RBM25: variants seen among roughly 807,000 people sequenced by gnomAD.
RBM25 encodes RNA binding motif protein 25.
In RBM25, 19 loss-of-function variants were observed where a neutral mutation model predicts 120.7. The observed-to-expected ratio is 0.16, with a 90% CI of 0.11 to 0.23. The LOEUF (loss-of-function observed/expected upper bound fraction) is 0.23, where lower values mean the gene tolerates loss of function less well. Among genes scored for constraint, RBM25 ranks in the 10% least tolerant of loss-of-function variants. The probability of loss-of-function intolerance (pLI) is 1.00; values close to 1 mark genes in which losing one functional copy is unlikely to be tolerated. For synonymous variants in RBM25, 390 were observed against 326.7 expected, an observed-to-expected ratio of 1.19 and a Z score of -2.09; for missense variants, 605 against 1,041.5, an observed-to-expected ratio of 0.58 and a Z score of 5.77.
rs1895887340 is a variant in RBM25 at position 73,094,318 on chromosome 14, G to T, written c.544-2597G>T. Among the ~76,000 whole-genome samples the T allele has an allele frequency of 2.0e-5, 3 of 151,650 alleles. No individual in the cohort carries two copies. In the South Asian group the frequency reaches 6.2e-4, roughly 32 times the overall value. On this transcript the variant is annotated intron_variant, in intron 6 of 18. Coordinates refer to ENST00000261973, the MANE Select transcript of RBM25 (RefSeq NM_021239.3). ...ATTAGCAATCAGTTAAGATTTTTGG[G>T]TTAATAAACTTTTCTTCTAAAAATG...
At chr14:73,090,693 C>T (rs1378147328) in intron 6 of RBM25, among the ~76,000 whole-genome samples, 1 of 152,182 alleles carries the variant, frequency 6.6e-6, no homozygotes, top group African/African-American at 2.4e-5. Context: ...TAACCCATCT[C>T]ATTCCCATAT....
Position 73,111,818 on chromosome 14 carries a change from TATTTC to T in RBM25, c.2292+19_2292+23del. 6.4e-7 allele frequency: 1 copy of T among 1,557,978 alleles called. No individual in the cohort carries two copies. The highest frequency in any genetic ancestry group is 8.6e-7 in the Non-Finnish European group (1 of 1,157,366). On this transcript the variant is annotated intron_variant, in intron 16 of 18. Transcript: ENST00000261973. ...TGTGGATTCTGTGAGTAGGAAATTA[TATTTC>T]ATCATATTATTGGGAACAGTTGGAA...
intron 6 of RBM25, among the ~76,000 whole-genome samples, chr14:73,096,253 A>G (rs1280157207): frequency 6.6e-6 from 1 of 152,186 alleles, no homozygotes; most frequent in Non-Finnish European, 1.5e-5. Context: ...CTGGGATTAC[A>G]GGAGTGAGCC....
rs1015796307 is a variant in RBM25, at chr14:73,105,911, A to C, written c.1207A>C (p.Arg403=). Residue 403 remains arginine (R), a synonymous_variant, in exon 11 of 19, where the codon AGA becomes CGA. Coordinates refer to ENST00000261973, the MANE Select transcript of RBM25 (RefSeq NM_021239.3). ...RERERERERE[R]ERERERERER... Reference sequence around the variant, plus strand: ...ACGAGAGCGGGAAAGAGAGAGAGAGAGAGAACGAGAGCGAGAACGAGAACG... The same window carrying C: ...ACGAGAGCGGGAAAGAGAGAGAGAGCGAGAACGAGAGCGAGAACGAGAACG... 1.9e-6 allele frequency: 3 copies of C among 1,612,916 alleles called. No homozygotes were observed. The African/African-American group carries it at 4.0e-5, about 22-fold the overall frequency.
chr14:73,111,489 A>G, intron 15 of RBM25, 39 bp from the exon 16 acceptor site: 1 of 1,535,670 alleles, frequency 6.5e-7, no homozygotes. Flanking sequence ...AAACATTTGG[A>G]AATTAAGTCA....
intron 1 of RBM25, among the ~76,000 whole-genome samples, chr14:73,061,813 G>C (rs1248917744): frequency 2.0e-5 from 3 of 151,406 alleles, no homozygotes; most frequent in Admixed American, 2.0e-4. Flanking sequence ...GGATCCACCT[G>C]CCTCGTCCTC....
chr14:73,086,733 C>T (rs1895694411), intron 5 of RBM25, among the ~76,000 whole-genome samples: 1 of 152,078 alleles, frequency 6.6e-6, no homozygotes, highest in Admixed American at 6.6e-5. Flanking sequence ...GAGACAGGGT[C>T]TCTGTCTGTT....
At chr14:73,108,017 C>T (rs536896494) in intron 13 of RBM25, 118 bp downstream of exon 13, 7 of 708,424 alleles carry the variant, frequency 9.9e-6, no homozygotes, top group Non-Finnish European at 1.7e-5. Context: ...CTTTCACATT[C>T]TGAGTAATTA....
chr14:73,117,205 CTTTTCTTTTT>C (rs1896449724), intron 18 of RBM25, among the ~76,000 whole-genome samples: 4 of 36,562 alleles, frequency 1.1e-4, no homozygotes, highest in African/African-American at 2.0e-4. Context: ...TTTCTTTCTT[CTTTTCTTTTT>C]TTTTTTTTTT....
intron 6 of RBM25, among the ~76,000 whole-genome samples, chr14:73,093,960 T>C (rs2140446544): frequency 6.8e-6 from 1 of 147,412 alleles, no homozygotes. Flanking sequence ...TTTTTTTTTT[T>C]TTTTTTCTTG....
At chr14:73,105,619 G>A (rs1008726394) in intron 10 of RBM25, among the ~76,000 whole-genome samples, 10 of 152,060 alleles carry the variant, frequency 6.6e-5, no homozygotes, top group Admixed American at 3.3e-4. Flanking sequence ...TATTCAGATT[G>A]TATTTGTTTT....
chr14:73,117,593 A>T (rs1896462383), intron 18 of RBM25, among the ~76,000 whole-genome samples: 1 of 152,092 alleles, frequency 6.6e-6, no homozygotes, highest in Non-Finnish European at 1.5e-5. Flanking sequence ...ACTTAACTAC[A>T]TACCAACTCT....
In RBM25 at chr14:73,120,639, A is replaced by G. The variant is rs971675326; in HGVS notation, c.*834A>G. The G allele has an allele frequency of 5.9e-5, 9 of 152,184 alleles. No homozygotes were observed. The highest frequency in any genetic ancestry group is 2.2e-4 in the African/African-American group (9 of 41,440). 9.4% of individuals were successfully genotyped at this position (152,184 alleles called of 1,614,324 possible). A position where few individuals can be genotyped will look rare whatever the true frequency, so the allele number is the denominator to read the frequency against. ...ATTGCTCAGAAATGAGGCATATCCTAAAAATCCTGGAGAGCTGTATTTAAT... is the reference window on the plus strand; with the variant it reads ...ATTGCTCAGAAATGAGGCATATCCTGAAAATCCTGGAGAGCTGTATTTAAT... On this transcript the variant is annotated 3_prime_UTR_variant, in exon 19 of 19. Coordinates refer to ENST00000261973, the MANE Select transcript of RBM25 (RefSeq NM_021239.3).
At chr14:73,064,717 T>G (rs548731693) in intron 1 of RBM25, among the ~76,000 whole-genome samples, 3 of 151,272 alleles carry the variant, frequency 2.0e-5, no homozygotes, top group Admixed American at 6.6e-5. Context: ...TAAAGGAATA[T>G]CCATAAAAAT....
Position 73,071,704 on chromosome 14 carries a change from C to T in RBM25, c.63C>T (p.Ile21=). The T allele has an allele frequency of 6.2e-7, 1 of 1,614,082 alleles. No homozygotes were observed. The highest frequency in any genetic ancestry group is 8.5e-7 in the Non-Finnish European group (1 of 1,179,960). Residue 21 remains isoleucine, a synonymous_variant, in exon 2 of 19, where the codon ATC becomes ATT. Transcript: ENST00000261973. ...PMGIPALPPG[I]PPPQFPGFPP... is the part of the protein sequence containing the mutation. ...GAATCCCAGCACTCCCACCAGGGAT[C>T]CCACCCCCGCAGTTTCCAGGATTTC...
At chr14:73,073,016 T>C (rs145589310) in intron 2 of RBM25, among the ~76,000 whole-genome samples, 2 of 152,268 alleles carry the variant, frequency 1.3e-5, no homozygotes, top group African/African-American at 4.8e-5. Flanking sequence ...AGCCTTGACC[T>C]CCTGGACTCC....
In RBM25 at chr14:73,122,255, G is replaced by T. The variant is rs1896551253; in HGVS notation, c.*2450G>T. The T allele has an allele frequency of 6.7e-6, 1 of 150,308 alleles. No homozygotes were observed. Among genetic ancestry groups the T allele is most frequent in the South Asian group, 2.1e-4 (1 of 4,774 alleles). The allele number at this position is 150,308 out of a possible 1,614,324, so 9.3% of individuals were successfully genotyped here. A position where few individuals can be genotyped will look rare whatever the true frequency, so the allele number is the denominator to read the frequency against. On this transcript the variant is annotated 3_prime_UTR_variant, in exon 19 of 19. Transcript: ENST00000261973. ...AAGTTGTTATATAAAGAGCATGAAAGTCTTTTTTTGTTGTTTTTTTGGGGT... is the reference window on the plus strand; with the variant it reads ...AAGTTGTTATATAAAGAGCATGAAATTCTTTTTTTGTTGTTTTTTTGGGGT...
At chr14:73,104,162 C>G (rs1333545103) in intron 10 of RBM25, among the ~76,000 whole-genome samples, 1 of 151,956 alleles carries the variant, frequency 6.6e-6, no homozygotes, top group Non-Finnish European at 1.5e-5. Context: ...TAAAGTTGCT[C>G]TTTTTGTTGA....
chr14:73,119,273 T>C (rs979924326), intron 18 of RBM25, among the ~76,000 whole-genome samples: 1 of 152,124 alleles, frequency 6.6e-6, no homozygotes, highest in Non-Finnish European at 1.5e-5. Flanking sequence ...TTTTTTGTTT[T>C]TTTTGTTTTT....
Sources: allele counts gnomAD v4.1 joint callset (sites outside exome capture counted in the v4.1 genomes callset), GRCh38; gene constraint gnomAD v4.1.1; transcripts MANE v1.5; gene names NCBI Gene and HGNC (gene_info 2026-07-23, HGNC 2026-07-21).